Variants in MCM9 observed in about 807,000 individuals in gnomAD.
MCM9 encodes the protein minichromosome maintenance 9 homologous recombination repair factor.
A neutral mutation model predicts 72.8 loss-of-function variants in MCM9; 55 were observed. The ratio of observed to expected loss-of-function variants is 0.76; its 90% CI spans 0.61 to 0.95. The LOEUF is 0.95. Ranked by LOEUF, MCM9 falls within the 40% of genes least tolerant of loss-of-function variation. MCM9 has a pLI of 0.00. For synonymous variants in MCM9, 480 were observed against 503.4 expected (o/e 0.95, Z 0.62); for missense variants, 1,279 against 1,377.0 (o/e 0.93, Z 1.13).
chr6:118,831,764 C>T (rs1299901513), intron 9 of MCM9, among the ~76,000 whole-genome samples: 1 of 152,016 alleles, frequency 6.6e-6, no homozygotes, highest in Non-Finnish European at 1.5e-5. Context: ...TTTTTCTATC[C>T]CATATGAACT....
At chr6:118,824,140 C>A (rs1323708174) in intron 13 of MCM9, among the ~76,000 whole-genome samples, 1 of 142,938 alleles carries the variant, frequency 7.0e-6, no homozygotes, top group African/African-American at 2.6e-5. Context: ...AAACCTCTGC[C>A]CCCCGGGGCA....
At chr6:118,854,243 C>A (rs1440869248) in intron 9 of MCM9, among the ~76,000 whole-genome samples, 2 of 152,174 alleles carry the variant, frequency 1.3e-5, no homozygotes, top group Non-Finnish European at 2.9e-5. Flanking sequence ...GACCATACTT[C>A]TAGTACAATA....
chr6:118,907,532 C>G (rs1780258731), intron 8 of MCM9: 1 of 1,613,648 alleles, frequency 6.2e-7, no homozygotes, highest in African/African-American at 1.3e-5. Context: ...TCAACAGATG[C>G]ATTACCTTCA....
Position 118,815,534 on chromosome 6 carries a change from C to CA in MCM9, c.2721dup (p.Glu908Ter). The CA allele has an allele frequency of 1.3e-6, 2 of 1,547,938 alleles. No homozygotes were observed. The highest frequency in any genetic ancestry group is 1.7e-6 in the Non-Finnish European group (2 of 1,146,290). The stretch of plus-strand genomic sequence containing the variant: ...GGGGAACCTGGAGGCTTAACATTTT[C>CA]AATTGCAGGCTCTTCCACTTGCGCA... On this transcript the variant is annotated frameshift_variant, in exon 14 of 14. Coordinates refer to ENST00000619706, the MANE Select transcript of MCM9 (RefSeq NM_017696.3). LOFTEE classifies it low-confidence loss of function (END_TRUNC).
chr6:118,928,370 C>T (rs1433371285), intron 3 of MCM9, among the ~76,000 whole-genome samples: 1 of 152,012 alleles, frequency 6.6e-6, no homozygotes, highest in African/African-American at 2.4e-5. Context: ...GAGATTGCAC[C>T]TGTGCACTCC....
intron 8 of MCM9, among the ~76,000 whole-genome samples, chr6:118,868,305 A>G (rs1158556712): frequency 1.3e-5 from 2 of 152,248 alleles, no homozygotes; most frequent in Non-Finnish European, 2.9e-5. Context: ...GAGGAAAAAT[A>G]AAAGTGTAGA....
rs1583725183 is a variant in MCM9, at chr6:118,933,505, A to C, written c.-149-765T>G. Among the ~76,000 whole-genome samples the C allele has an allele frequency of 1.2e-4, 3 of 24,524 alleles. No individual in the cohort carries two copies. In the Admixed American group the frequency reaches 2.0e-3, roughly 17 times the overall value. The allele number at this position is 24,524 out of a possible 152,430, so 16.1% of individuals were successfully genotyped here. On this transcript the variant is annotated intron_variant, in intron 1 of 13. Transcript: ENST00000619706. ...CGGGCACAGAGCGAGACTCCGCCTCAAAAAAAAAAAAAAAGAGAGAAACAC... is the reference window on the plus strand; with the variant it reads ...CGGGCACAGAGCGAGACTCCGCCTCCAAAAAAAAAAAAAAGAGAGAAACAC...
intron 8 of MCM9, chr6:118,894,126 G>T: frequency 2.5e-6 from 3 of 1,189,684 alleles, no homozygotes; most frequent in Non-Finnish European, 2.1e-6. Context: ...GCTGGCTGCC[G>T]AGGCCCTCGC....
rs1218406755 is a variant in MCM9, at chr6:118,851,911, C to T, written c.1325+4460G>A. The stretch of plus-strand genomic sequence containing the variant: ...ACATTAAGTCAAAATACTCAAAGTA[C>T]TTCTCAGGCAAAACTCCTTTCAATA... On this transcript the variant is annotated intron_variant, in intron 9 of 13. Coordinates refer to ENST00000619706, the MANE Select transcript of MCM9 (RefSeq NM_017696.3). 2.0e-5 allele frequency among the ~76,000 whole-genome samples: 3 copies of T among 152,170 alleles called. No individual in the cohort carries two copies. The East Asian group carries it at 5.8e-4, about 29-fold the overall frequency.
At chr6:118,869,912 C>G (rs140857884) in intron 8 of MCM9, among the ~76,000 whole-genome samples, 2 of 152,120 alleles carry the variant, frequency 1.3e-5, no homozygotes, top group African/African-American at 4.8e-5. Flanking sequence ...CAAAGAACAT[C>G]ATTATATAGT....
rs556914211 is a variant in MCM9, at chr6:118,836,277, G to A, written c.1326-7027C>T. On this transcript the variant is annotated intron_variant, in intron 9 of 13. Transcript: ENST00000619706. ...GTATTTTATGGAGGATTTTCTCATC[G>A]ATGTTCATCAGAGATATTGGCCTGA... Among the ~76,000 whole-genome samples the A allele has an allele frequency of 1.2e-3, 184 of 152,284 alleles. 1 individual carries two copies. The highest frequency in any genetic ancestry group is 4.3e-3 in the African/African-American group (177 of 41,564).
At chr6:118,891,228 C>T (rs1415241739) in intron 8 of MCM9, among the ~76,000 whole-genome samples, 11 of 152,168 alleles carry the variant, frequency 7.2e-5, no homozygotes, top group Admixed American at 7.2e-4. Context: ...GCACACCACT[C>T]CACATACGCC....
At chr6:118,930,255 C>G (rs188172677) in intron 3 of MCM9, among the ~76,000 whole-genome samples, 1 of 152,012 alleles carries the variant, frequency 6.6e-6, no homozygotes, top group Non-Finnish European at 1.5e-5. Context: ...GGACTACAGG[C>G]GCCCGCCACC....
chr6:118,913,951 G>A (rs1301068847), intron 6 of MCM9, among the ~76,000 whole-genome samples: 1 of 152,106 alleles, frequency 6.6e-6, no homozygotes, highest in African/African-American at 2.4e-5. Context: ...TTACTCCACT[G>A]CCTAAATAAA....
chr6:118,866,790 G>A (rs1048364749), intron 8 of MCM9, among the ~76,000 whole-genome samples: 2 of 152,162 alleles, frequency 1.3e-5, no homozygotes, highest in Non-Finnish European at 2.9e-5. Flanking sequence ...AACTTCCCAA[G>A]CCTGGGTAAG....
chr6:118,923,394 C>G (rs1253264631), intron 4 of MCM9, among the ~76,000 whole-genome samples: 5 of 151,858 alleles, frequency 3.3e-5, no homozygotes, highest in Admixed American at 2.6e-4. Context: ...AAGTGATCTT[C>G]CTGCCTCAGC....
chr6:118,861,199 T>G (rs566726644), intron 8 of MCM9, among the ~76,000 whole-genome samples: 45 of 152,320 alleles, frequency 3.0e-4, no homozygotes, highest in African/African-American at 1.1e-3. Context: ...AAGCAGCTTC[T>G]ACTGCAGGCA....
At chr6:118,894,641 T>A in intron 8 of MCM9, 2 of 857,534 alleles carry the variant, frequency 2.3e-6, no homozygotes, top group Non-Finnish European at 3.6e-6. Context: ...CGGGCTGCTC[T>A]GCGGAGGGAA....
intron 11 of MCM9, among the ~76,000 whole-genome samples, chr6:118,827,095 C>T (rs1252143592): frequency 1.3e-5 from 2 of 152,134 alleles, no homozygotes; most frequent in East Asian, 1.9e-4. Context: ...TGAAAAAGTA[C>T]TCTGGGCTCT....
Sources: gnomAD v4.1 joint callset for allele counts (sites outside exome capture counted in the v4.1 genomes callset) on GRCh38, gnomAD v4.1.1 for gene constraint, MANE v1.5 for transcripts, NCBI Gene and HGNC (gene_info 2026-07-23, HGNC 2026-07-21) for gene names.